Variants in LTBP2 observed in about 807,000 individuals in gnomAD.
The protein encoded by LTBP2 is latent-transforming growth factor beta-binding protein 2.
A neutral mutation model predicts 210.6 loss-of-function variants in LTBP2; 103 were observed. That is an observed-to-expected ratio of 0.49 (90% CI 0.42 to 0.58). The LOEUF is 0.58. Among genes scored for constraint, LTBP2 ranks in the 20% least tolerant of loss-of-function variants. LTBP2 has a pLI of 0.00. For missense variants in LTBP2, 2,313 were observed against 2,494.5 expected, an observed-to-expected ratio of 0.93 and a Z score of 1.55; for synonymous variants, 1,007 against 1,015.0, an observed-to-expected ratio of 0.99 and a Z score of 0.15.
intron 1 of LTBP2, among the ~76,000 whole-genome samples, chr14:74,608,118 C>T (rs867365737): frequency 1.3e-5 from 2 of 151,056 alleles, no homozygotes; most frequent in African/African-American, 4.9e-5. Context: ...GACGGGGTTT[C>T]ACCTTGTTAG....
intron 3 of LTBP2, among the ~76,000 whole-genome samples, chr14:74,564,049 T>TTATATATATATTTA (rs2087833792): frequency 6.5e-5 from 3 of 45,890 alleles, no homozygotes; most frequent in Non-Finnish European, 7.8e-5. Context: ...ATATATATAT[T>TTATATATATATTTA]TATATATATA....
chr14:74,594,243 TC>T (rs2088324000), intron 2 of LTBP2, among the ~76,000 whole-genome samples: 1 of 152,164 alleles, frequency 6.6e-6, no homozygotes, highest in Non-Finnish European at 1.5e-5. Context: ...GCGTTTGTCA[TC>T]GGCTCTCTCT....
intron 31 of LTBP2, 105 bp from the exon 32 acceptor site, chr14:74,503,711 G>A: frequency 2.0e-6 from 3 of 1,498,898 alleles, no homozygotes; most frequent in Non-Finnish European, 2.7e-6. Flanking sequence ...TTAGTGCCCT[G>A]CCTCCCTCCC....
intron 18 of LTBP2, 144 bp from the exon 19 acceptor site, chr14:74,511,508 T>C (rs2087071293): frequency 1.9e-6 from 2 of 1,038,618 alleles, no homozygotes; most frequent in African/African-American, 3.1e-5. Context: ...AGCTGCCCTG[T>C]GTTCCCAACT....
intron 2 of LTBP2, among the ~76,000 whole-genome samples, chr14:74,591,672 G>A (rs1418517243): frequency 1.3e-5 from 2 of 152,200 alleles, no homozygotes; most frequent in African/African-American, 2.4e-5. Context: ...TTTGCATTAT[G>A]GGATTGAAGT....
At position 74,503,503 on chromosome 14, in the gene LTBP2, G is replaced by T. The variant is rs1235822318; in HGVS notation, c.4686C>A (p.Ser1562Arg). 3 of 1,612,932 alleles carry T rather than the reference G, an allele frequency of 1.9e-6. No individual in the cohort carries two copies. Among genetic ancestry groups the T allele is most frequent in the Non-Finnish European group, 2.5e-6 (3 of 1,179,756 alleles). ...FCSPPLTLDL[S>R]QQRCMNSTSS... is the part of the protein sequence containing the mutation. ...TGGTGCTGTTCATGCAGCGCTGCTG[G>T]CTGAGGTCCAGGGTGAGCGGGGGGC... The change falls in exon 32 of 36, where the codon AGC becomes AGA. Residue 1562 changes from serine to arginine, a missense_variant. Ser to Arg is a moderately radical substitution (Grantham distance 110, BLOSUM62 -1). Around this residue, in one of 3 missense-constraint regions of LTBP2, gnomAD observed 443 missense variants for 501.4 expected, o/e 0.88. Coordinates refer to ENST00000261978, the MANE Select transcript of LTBP2 (RefSeq NM_000428.3).
intron 34 of LTBP2, 76 bp from the exon 35 acceptor site, chr14:74,501,666 CTTCTGGACA>C: frequency 6.3e-7 from 1 of 1,592,368 alleles, no homozygotes; most frequent in Non-Finnish European, 8.6e-7. Context: ...GACCCTCGCC[CTTCTGGACA>C]AAGGGTGCCC....
intron 3 of LTBP2, among the ~76,000 whole-genome samples, chr14:74,574,901 T>C (rs1350837767): frequency 6.6e-6 from 1 of 152,224 alleles, no homozygotes; most frequent in East Asian, 1.9e-4. Flanking sequence ...GCAGACACCA[T>C]TTCCCTTGAA....
intron 3 of LTBP2, among the ~76,000 whole-genome samples, chr14:74,567,546 G>A (rs1331698096): frequency 6.6e-6 from 1 of 152,158 alleles, no homozygotes; most frequent in Non-Finnish European, 1.5e-5. Flanking sequence ...CATGTGTCCA[G>A]CTGCTGTGGC....
intron 34 of LTBP2, 169 bp from the exon 35 acceptor site, chr14:74,501,759 ACTCTTG>A: frequency 1.3e-6 from 1 of 763,184 alleles, no homozygotes; most frequent in Admixed American, 2.7e-5. Context: ...AAAAGGCAGT[ACTCTTG>A]AAAAAAAAAG....
At chr14:74,508,214 G>A in intron 24 of LTBP2, 119 bp from the exon 25 acceptor site, 1 of 1,261,292 alleles carries the variant, frequency 7.9e-7, no homozygotes, top group Non-Finnish European at 1.1e-6. Context: ...GCTTATGTAG[G>A]AAAAGGCTCG....
At chr14:74,603,523 C>T (rs2088478824) in intron 2 of LTBP2, 112 bp downstream of exon 2, 4 of 1,043,010 alleles carry the variant, frequency 3.8e-6, no homozygotes, top group South Asian at 3.8e-5. Flanking sequence ...AGGAAAGACG[C>T]TTCTGCTCCA....
intron 3 of LTBP2, among the ~76,000 whole-genome samples, chr14:74,568,280 C>T (rs1039758274): frequency 2.6e-5 from 4 of 152,132 alleles, no homozygotes; most frequent in African/African-American, 7.2e-5. Context: ...CCCCTGCATG[C>T]GAGCATTTCA....
rs115881853 is a variant in LTBP2 at position 74,500,018 on chromosome 14, T to C, written c.*866A>G. On this transcript the variant is annotated 3_prime_UTR_variant, in exon 36 of 36. Coordinates refer to ENST00000261978, the MANE Select transcript of LTBP2 (RefSeq NM_000428.3). ...GATCCCAGAAGAGGTTTGTTTCCTG[T>C]AAGAAGCAGTGTTTATGTAATAGAG... 475 of 232,056 alleles carry C rather than the reference T, an allele frequency of 2.0e-3. 1 individual carries two copies. The highest frequency in any genetic ancestry group is 0.01 in the African/African-American group (455 of 45,376). The allele number at this position is 232,056 out of a possible 1,614,324, so 14.4% of individuals were successfully genotyped here.
Position 74,501,507 on chromosome 14 carries a change from G to A in LTBP2, c.5254C>T (p.Arg1752Trp), listed in dbSNP as rs756787943. 16 of 1,614,144 alleles carry A rather than the reference G, an allele frequency of 9.9e-6. No individual in the cohort carries two copies. Among genetic ancestry groups the A allele is most frequent in the South Asian group, 5.5e-5 (5 of 91,078 alleles). Residue 1752 changes from arginine to tryptophan, a missense_variant, in exon 35 of 36, where the codon CGG becomes TGG. Around this residue, in one of 3 missense-constraint regions of LTBP2, gnomAD observed 443 missense variants for 501.4 expected, o/e 0.88. Coordinates refer to ENST00000261978, the MANE Select transcript of LTBP2 (RefSeq NM_000428.3). ...GCENGRCVRVREGYTCDCFEG... is the reference protein window; with the variant it reads ...GCENGRCVRVWEGYTCDCFEG... ...AAACAGTCACAGGTGTAGCCCTCCCGCACGCGCACACAGCGGCCATTCTCA... is the reference window on the plus strand; with the variant it reads ...AAACAGTCACAGGTGTAGCCCTCCCACACGCGCACACAGCGGCCATTCTCA...
At chr14:74,506,545 C>T (rs1204725879) in intron 27 of LTBP2, among the ~76,000 whole-genome samples, 153 bp downstream of exon 27, 3 of 152,240 alleles carry the variant, frequency 2.0e-5, no homozygotes, top group East Asian at 1.9e-4. Flanking sequence ...TGCCCCTGGG[C>T]GAGGAGTTGA....
chr14:74,509,939 G>GA, intron 20 of LTBP2, 80 bp from the exon 21 acceptor site: 1 of 1,611,420 alleles, frequency 6.2e-7, no homozygotes, highest in Non-Finnish European at 8.5e-7. Context: ...AGGGGTGGGG[G>GA]AAGGACAGGT....
chr14:74,541,508 G>T (rs1388935825), intron 8 of LTBP2, among the ~76,000 whole-genome samples: 2 of 152,112 alleles, frequency 1.3e-5, no homozygotes, highest in East Asian at 3.9e-4. Context: ...AATGGATGAG[G>T]TTATGAAACA....
chr14:74,567,948 G>A (rs781136635), intron 3 of LTBP2, among the ~76,000 whole-genome samples: 3 of 152,046 alleles, frequency 2.0e-5, no homozygotes, highest in East Asian at 1.9e-4. Context: ...TCATGAATTC[G>A]TCGTTCAACC....
Sources: gnomAD v4.1 joint callset for allele counts (sites outside exome capture counted in the v4.1 genomes callset) on GRCh38, gnomAD v4.1.1 for gene constraint, gnomAD v4.1.1 regional missense constraint, MANE v1.5 for transcripts, NCBI Gene and HGNC (gene_info 2026-07-23, HGNC 2026-07-21) for gene names.